ZMYND11: variants seen among roughly 807,000 people sequenced by gnomAD.
ZMYND11 encodes the protein zinc finger MYND domain-containing protein 11.
ZMYND11 carries 9 observed loss-of-function variants against 84.9 expected under a neutral mutation model. The ratio of observed to expected loss-of-function variants is 0.11; its 90% CI spans 0.06 to 0.18. The LOEUF (loss-of-function observed/expected upper bound fraction) is 0.18. ZMYND11 is among the 10% of genes least tolerant of loss of function. ZMYND11 has a pLI of 1.00. For missense variants in ZMYND11, 409 were observed against 761.0 expected (o/e 0.54, Z 5.44); for synonymous variants, 250 against 244.1 (o/e 1.02, Z -0.23).
At chr10:138,646 C>T (rs964216399) in intron 1 of ZMYND11, among the ~76,000 whole-genome samples, 3 of 152,006 alleles carry the variant, frequency 2.0e-5, no homozygotes, top group Admixed American at 1.3e-4. Context: ...AAATTGCTTA[C>T]TTAAAGCCCT....
chr10:248,754 T>A, intron 13 of ZMYND11, 146 bp downstream of exon 13: 1 of 1,384,564 alleles, frequency 7.2e-7, no homozygotes, highest in Non-Finnish European at 9.6e-7. Context: ...TTTCAAGTAA[T>A]AATGATACTT....
chr10:151,231 T>A (rs1840275134), intron 1 of ZMYND11, among the ~76,000 whole-genome samples: 1 of 152,010 alleles, frequency 6.6e-6, no homozygotes, highest in Non-Finnish European at 1.5e-5. Context: ...CTTTCACGAG[T>A]TGAGAGAAGA....
intron 4 of ZMYND11, among the ~76,000 whole-genome samples, chr10:233,425 T>C (rs1949370309): frequency 6.6e-6 from 1 of 152,232 alleles, no homozygotes; most frequent in South Asian, 2.1e-4. Context: ...GTTTGGCCTG[T>C]TCTAGAACTT....
chr10:217,900 A>G (rs568091208), intron 3 of ZMYND11, among the ~76,000 whole-genome samples: 8 of 152,328 alleles, frequency 5.3e-5, no homozygotes, highest in Admixed American at 2.0e-4. Flanking sequence ...ACCAAATGCT[A>G]TGTGAATGAC....
chr10:209,441 CTAAG>C (rs1218173559), intron 2 of ZMYND11, among the ~76,000 whole-genome samples: 1 of 152,116 alleles, frequency 6.6e-6, no homozygotes, highest in African/African-American at 2.4e-5. Context: ...GTGTCATTTC[CTAAG>C]TTTTAGGTAA....
rs557595126 is a variant in ZMYND11, at chr10:248,125, GTTC to G, written c.1228-208_1228-206del. 4.5e-3 allele frequency among the ~76,000 whole-genome samples: 680 copies of G among 152,254 alleles called. 4 individuals are homozygous for G. Among genetic ancestry groups the G allele is most frequent in the African/African-American group, 0.016 (657 of 41,548 alleles). On this transcript the variant is annotated intron_variant, in intron 12 of 14. Transcript: ENST00000381604. Reference sequence around the variant, plus strand: ...TAATTATTGTAGCTGTTAATTGCATGTTCTTTTCATTCACTAATTGGGGGAGAT... The same window carrying G: ...TAATTATTGTAGCTGTTAATTGCATGTTTTCATTCACTAATTGGGGGAGAT...
chr10:180,882 A>T (rs1356228980), intron 2 of ZMYND11, among the ~76,000 whole-genome samples: 1 of 152,228 alleles, frequency 6.6e-6, no homozygotes. Flanking sequence ...GTATTTTAGA[A>T]ATCATGTTAA....
intron 2 of ZMYND11, among the ~76,000 whole-genome samples, chr10:189,235 G>A (rs1019502427): frequency 6.6e-6 from 1 of 152,150 alleles, no homozygotes; most frequent in Non-Finnish European, 1.5e-5. Context: ...TCCTCATCAC[G>A]TGCAGGTTGC....
intron 1 of ZMYND11, among the ~76,000 whole-genome samples, chr10:167,805 G>GT (rs1169153483): frequency 6.6e-5 from 10 of 151,790 alleles, no homozygotes; most frequent in Admixed American, 1.3e-4. Context: ...TATTTTTAAA[G>GT]TTTTTTTTAA....
intron 1 of ZMYND11, among the ~76,000 whole-genome samples, chr10:142,253 A>C (rs1837662233): frequency 6.6e-6 from 1 of 152,120 alleles, no homozygotes; most frequent in Admixed American, 6.5e-5. Flanking sequence ...GGTCTGTGCC[A>C]CCATGCCTGG....
chr10:243,768 G>A (rs1022077207), intron 10 of ZMYND11, among the ~76,000 whole-genome samples: 1 of 152,166 alleles, frequency 6.6e-6, no homozygotes, highest in African/African-American at 2.4e-5. Context: ...GGGAGGCTGA[G>A]GCAGGAGAAT....
At chr10:153,786 G>A (rs1233134352) in intron 1 of ZMYND11, among the ~76,000 whole-genome samples, 1 of 152,162 alleles carries the variant, frequency 6.6e-6, no homozygotes, top group Non-Finnish European at 1.5e-5. Flanking sequence ...CATTAGATGG[G>A]TTTATTTGCC....
At chr10:144,825 T>C (rs1838357649) in intron 1 of ZMYND11, among the ~76,000 whole-genome samples, 1 of 150,362 alleles carries the variant, frequency 6.7e-6, no homozygotes, top group East Asian at 1.9e-4. Flanking sequence ...TGGTGAAGTA[T>C]GAGATTTTAG....
In ZMYND11 at chr10:239,537, T is replaced by TTG. The variant is rs148470545; in HGVS notation, c.697+14_697+15dup. On this transcript the variant is annotated intron_variant, in intron 7 of 14. Coordinates refer to ENST00000381604, the MANE Select transcript of ZMYND11 (RefSeq NM_001370100.5). The stretch of plus-strand genomic sequence containing the variant: ...GATTTTCTATGGAGGTTGAATATTT[T>TTG]TGTTTTTTTTGTATGCATTTTTAAA... The TTG allele has an allele frequency of 8.1e-5, 125 of 1,537,772 alleles. 1 individual carries two copies. In the East Asian group the frequency reaches 9.8e-4, roughly 12 times the overall value.
intron 9 of ZMYND11, 106 bp downstream of exon 9, chr10:241,076 A>G: frequency 1.2e-6 from 1 of 821,164 alleles, no homozygotes; most frequent in Admixed American, 2.7e-5. Flanking sequence ...AAAATATCAT[A>G]GTATATATGG....
At chr10:251,642 C>G (rs1172622079) in intron 14 of ZMYND11, among the ~76,000 whole-genome samples, 1 of 152,208 alleles carries the variant, frequency 6.6e-6, no homozygotes, top group Non-Finnish European at 1.5e-5. Context: ...TGTTAGTTCA[C>G]CAACCCAGCT....
At chr10:206,136 G>C (rs1322978746) in intron 2 of ZMYND11, among the ~76,000 whole-genome samples, 4 of 152,048 alleles carry the variant, frequency 2.6e-5, no homozygotes, top group Non-Finnish European at 5.9e-5. Flanking sequence ...GAGGCGGGTG[G>C]ATCACCTGAG....
intron 2 of ZMYND11, among the ~76,000 whole-genome samples, chr10:199,320 TC>T (rs1166169918): frequency 1.8e-5 from 2 of 110,158 alleles, no homozygotes; most frequent in African/African-American, 7.0e-5. Flanking sequence ...CCTCCCTCCC[TC>T]CCTCCCTCTC....
chr10:246,816 G>A lies in ZMYND11; in HGVS notation c.1001G>A (p.Arg334Gln), dbSNP rs1212041168. 5 of 1,614,096 alleles carry A rather than the reference G, an allele frequency of 3.1e-6. No homozygotes were observed. Among genetic ancestry groups the A allele is most frequent in the African/African-American group, 1.3e-5 (1 of 75,012 alleles). ...CAAGATATCACAGTCAACATTCATC[G>A]GCTGCACGTGAAGCGCAGTATGGGT... is the stretch of plus-strand genomic sequence containing the variant. ...NIQDITVNIH[R>Q]LHVKRSMGWK... Residue 334 changes from arginine (R) to glutamine (Q), a missense_variant, in exon 11 of 15, where the codon CGG (arginine) becomes CAG (glutamine). Coordinates refer to ENST00000381604, the MANE Select transcript of ZMYND11 (RefSeq NM_001370100.5).
Sources: gnomAD v4.1 joint callset for allele counts (sites outside exome capture counted in the v4.1 genomes callset) on GRCh38, gnomAD v4.1.1 for gene constraint, MANE v1.5 for transcripts, NCBI Gene and HGNC (gene_info 2026-07-23, HGNC 2026-07-21) for gene names.